Variants in CAMKMT observed in about 807,000 individuals in gnomAD.
CAMKMT encodes CaM KMT.
In CAMKMT, 53 loss-of-function variants were observed where a neutral mutation model predicts 48.0. That is an observed-to-expected ratio of 1.10 (90% CI 0.89 to 1.39). CAMKMT has a LOEUF of 1.39. Ranked by LOEUF, CAMKMT falls within the 40% of genes most tolerant of loss-of-function variation. The pLI is 0.00. For missense variants in CAMKMT, 428 were observed against 402.7 expected, an observed-to-expected ratio of 1.06 and a Z score of -0.54; for synonymous variants, 165 against 152.3, an observed-to-expected ratio of 1.08 and a Z score of -0.61.
intron 3 of CAMKMT, among the ~76,000 whole-genome samples, chr2:44,418,733 C>G (rs1234864660): frequency 6.6e-6 from 1 of 152,128 alleles, no homozygotes; most frequent in Non-Finnish European, 1.5e-5. Flanking sequence ...TAGGTTCTTG[C>G]ATTTCCATAC....
At chr2:44,619,413 C>T (rs1672056861) in intron 3 of CAMKMT, among the ~76,000 whole-genome samples, 1 of 151,836 alleles carries the variant, frequency 6.6e-6, no homozygotes, top group African/African-American at 2.4e-5. Context: ...TTCATTGCAC[C>T]TACTCTTGTA....
intron 3 of CAMKMT, among the ~76,000 whole-genome samples, chr2:44,565,222 A>G (rs975098250): frequency 6.6e-6 from 1 of 152,228 alleles, no homozygotes; most frequent in Non-Finnish European, 1.5e-5. Flanking sequence ...ATTTTTATCC[A>G]TATACATTTG....
chr2:44,685,705 C>T (rs1156947422), intron 3 of CAMKMT, among the ~76,000 whole-genome samples: 1 of 152,144 alleles, frequency 6.6e-6, no homozygotes, highest in Non-Finnish European at 1.5e-5. Flanking sequence ...TGGTTCTCAA[C>T]TCATGCTGCC....
intron 3 of CAMKMT, among the ~76,000 whole-genome samples, chr2:44,394,258 C>G (rs568216231): frequency 2.0e-5 from 3 of 152,126 alleles, no homozygotes; most frequent in Non-Finnish European, 4.4e-5. Context: ...GGTAAAACTT[C>G]TCTACTATTC....
intron 3 of CAMKMT, among the ~76,000 whole-genome samples, chr2:44,475,881 T>C (rs1190056147): frequency 6.6e-6 from 1 of 152,218 alleles, no homozygotes; most frequent in Non-Finnish European, 1.5e-5. Context: ...TGTGACTGCA[T>C]TCTCTGAGAA....
At chr2:44,435,381 A>C (rs1572867796) in intron 3 of CAMKMT, among the ~76,000 whole-genome samples, 1 of 152,198 alleles carries the variant, frequency 6.6e-6, no homozygotes, top group African/African-American at 2.4e-5. Flanking sequence ...GTCTAGATTT[A>C]GGAGAATTGT....
At chr2:44,506,080 T>G (rs1416119350) in intron 3 of CAMKMT, among the ~76,000 whole-genome samples, 1 of 152,078 alleles carries the variant, frequency 6.6e-6, no homozygotes, top group Non-Finnish European at 1.5e-5. Context: ...GGTCTCGAAC[T>G]CCTGGGCTCA....
At chr2:44,679,679 A>G (rs1675910176) in intron 3 of CAMKMT, among the ~76,000 whole-genome samples, 1 of 152,232 alleles carries the variant, frequency 6.6e-6, no homozygotes, top group South Asian at 2.1e-4. Flanking sequence ...TCCAGCCTTC[A>G]TTGCCTTCCA....
At chr2:44,651,669 C>G (rs1674073740) in intron 3 of CAMKMT, among the ~76,000 whole-genome samples, 1 of 152,188 alleles carries the variant, frequency 6.6e-6, no homozygotes, top group Non-Finnish European at 1.5e-5. Flanking sequence ...AAGTCAGCAA[C>G]AGTGAGATAG....
intron 7 of CAMKMT, among the ~76,000 whole-genome samples, chr2:44,741,660 G>C (rs1396221358): frequency 6.6e-6 from 1 of 152,140 alleles, no homozygotes; most frequent in Non-Finnish European, 1.5e-5. Flanking sequence ...AGCCTCATGA[G>C]AACTGGGGAA....
intron 3 of CAMKMT, among the ~76,000 whole-genome samples, chr2:44,697,627 TA>T (rs1408482876): frequency 2.6e-5 from 4 of 152,182 alleles, no homozygotes; most frequent in Non-Finnish European, 5.9e-5. Flanking sequence ...ATAGCTGTTT[TA>T]TTTCCTAGTC....
intron 3 of CAMKMT, among the ~76,000 whole-genome samples, chr2:44,597,612 A>G (rs1237546699): frequency 6.6e-6 from 1 of 152,236 alleles, no homozygotes; most frequent in East Asian, 1.9e-4. Context: ...CCTTCTCAAA[A>G]TAATGTTACA....
At chr2:44,654,187 A>T (rs1362548946) in intron 3 of CAMKMT, among the ~76,000 whole-genome samples, 1 of 152,200 alleles carries the variant, frequency 6.6e-6, no homozygotes, top group Non-Finnish European at 1.5e-5. Context: ...TTCCAAGGTA[A>T]ATCTCAAACA....
chr2:44,489,799 A>G (rs1669398284), intron 3 of CAMKMT, among the ~76,000 whole-genome samples: 1 of 152,220 alleles, frequency 6.6e-6, no homozygotes, highest in African/African-American at 2.4e-5. Context: ...GAAATTAAAA[A>G]AACACTTTCA....
chr2:44,369,107 C>T (rs1355538204), intron 1 of CAMKMT, among the ~76,000 whole-genome samples: 1 of 152,116 alleles, frequency 6.6e-6, no homozygotes, highest in East Asian at 1.9e-4. Context: ...TGGTATCGAA[C>T]TCCTGGCCTC....
intron 9 of CAMKMT, among the ~76,000 whole-genome samples, chr2:44,759,602 G>A (rs958527343): frequency 1.1e-4 from 17 of 152,148 alleles, no homozygotes; most frequent in Non-Finnish European, 2.4e-4. Flanking sequence ...TACTGAGTCA[G>A]AGACCCAGCG....
intron 3 of CAMKMT, among the ~76,000 whole-genome samples, chr2:44,700,680 C>T (rs368279046): frequency 6.6e-6 from 1 of 152,106 alleles, no homozygotes; most frequent in Non-Finnish European, 1.5e-5. Context: ...AAACAATTAC[C>T]ATAGTAACAT....
chr2:44,754,133 A>G lies in CAMKMT; in HGVS notation c.762+15A>G, dbSNP rs750530364. 55 of 1,600,526 alleles carry G rather than the reference A, an allele frequency of 3.4e-5. No homozygotes were observed. Among genetic ancestry groups the G allele is most frequent in the Non-Finnish European group, 4.4e-5 (51 of 1,167,854 alleles). ...TCCAGCCCAGGGTAAGTATGTTTCT[A>G]TTTTCTCCTGAACACTGGCTACAGA... On this transcript the variant is annotated intron_variant, in intron 9 of 10. Coordinates refer to ENST00000378494, the MANE Select transcript of CAMKMT (RefSeq NM_024766.5).
intron 3 of CAMKMT, among the ~76,000 whole-genome samples, chr2:44,499,023 C>A (rs1439244237): frequency 1.3e-5 from 2 of 152,150 alleles, no homozygotes; most frequent in Non-Finnish European, 2.9e-5. Flanking sequence ...ATGATATTTG[C>A]AAAACCTCTT....
Sources: gnomAD v4.1 joint callset for allele counts (sites outside exome capture counted in the v4.1 genomes callset) on GRCh38, gnomAD v4.1.1 for gene constraint, MANE v1.5 for transcripts, NCBI Gene and HGNC (gene_info 2026-07-23, HGNC 2026-07-21) for gene names.